Variants in CCNJL observed in about 807,000 individuals in gnomAD.
CCNJL encodes cyclin-J-like protein.
A neutral mutation model predicts 33.4 loss-of-function variants in CCNJL; 33 were observed. That is an observed-to-expected ratio of 0.99 (90% CI 0.75 to 1.32). CCNJL has a LOEUF of 1.32. Ranked by LOEUF, CCNJL falls within the 40% of genes most tolerant of loss-of-function variation. The probability of loss-of-function intolerance (pLI) is 0.00; values close to 1 mark genes in which losing one functional copy is unlikely to be tolerated. For missense variants in CCNJL, 512 were observed against 499.7 expected, an observed-to-expected ratio of 1.02 and a Z score of -0.23; for synonymous variants, 227 against 220.9, an observed-to-expected ratio of 1.03 and a Z score of -0.24.
rs994690259 is a variant in CCNJL, at chr5:160,251,604, G to C, written c.*1774C>G. On this transcript the variant is annotated 3_prime_UTR_variant, in exon 6 of 6. Transcript: ENST00000257536. The stretch of plus-strand genomic sequence containing the variant: ...GAGATGCTCACCAGGGCTGATTTGA[G>C]AGAGGGAAGGAGGGGCCGGCCCAAG... The C allele has an allele frequency of 1.3e-5, 2 of 152,298 alleles. No individual in the cohort carries two copies. Among genetic ancestry groups the C allele is most frequent in the African/African-American group, 4.8e-5 (2 of 41,424 alleles). 9.4% of individuals were successfully genotyped at this position (152,298 alleles called of 1,614,324 possible).
chr5:160,319,802 G>T (rs1424722787), intron 1 of CCNJL, among the ~76,000 whole-genome samples: 3 of 152,034 alleles, frequency 2.0e-5, no homozygotes, highest in Admixed American at 6.6e-5. Flanking sequence ...AGGTGTGGTG[G>T]TGTGCAAGCC....
At chr5:160,330,133 C>T (rs537507605) in intron 1 of CCNJL, among the ~76,000 whole-genome samples, 1 of 152,208 alleles carries the variant, frequency 6.6e-6, no homozygotes, top group South Asian at 2.1e-4. Context: ...CAATTCTGAC[C>T]CTGTCTCCTG....
chr5:160,262,709 C>T (rs1580953891), intron 3 of CCNJL, among the ~76,000 whole-genome samples: 2 of 152,228 alleles, frequency 1.3e-5, no homozygotes, highest in South Asian at 2.1e-4. Flanking sequence ...TCAGCTTCTA[C>T]ACCCAGAAGC....
At chr5:160,284,324 C>T (rs1762338135) in intron 2 of CCNJL, among the ~76,000 whole-genome samples, 1 of 151,880 alleles carries the variant, frequency 6.6e-6, no homozygotes, top group Non-Finnish European at 1.5e-5. Flanking sequence ...TGCACTCTAG[C>T]CTGGACGACA....
In CCNJL at chr5:160,281,580, T is replaced by A. The variant is rs78036380; in HGVS notation, c.67-842A>T. ...ACCAACAAAGTTTTTTACAACATAATAATGTTCTTATATGCAGTATCTCTC... is the reference window on the plus strand; with the variant it reads ...ACCAACAAAGTTTTTTACAACATAAAAATGTTCTTATATGCAGTATCTCTC... On this transcript the variant is annotated intron_variant, in intron 2 of 5. Transcript: ENST00000257536. Among the ~76,000 whole-genome samples the A allele has an allele frequency of 4.2e-3, 634 of 152,294 alleles. 3 individuals carry two copies. Among genetic ancestry groups the A allele is most frequent in the African/African-American group, 0.014 (598 of 41,552 alleles).
intron 2 of CCNJL, among the ~76,000 whole-genome samples, chr5:160,310,840 G>C (rs938694079): frequency 6.6e-6 from 1 of 152,132 alleles, no homozygotes; most frequent in Non-Finnish European, 1.5e-5. Flanking sequence ...GGATGACCAA[G>C]CACCAGCAAA....
At chr5:160,300,023 T>G (rs1184167731) in intron 2 of CCNJL, among the ~76,000 whole-genome samples, 1 of 152,140 alleles carries the variant, frequency 6.6e-6, no homozygotes, top group African/African-American at 2.4e-5. Context: ...CAATTCCCGA[T>G]GCTTCTGTTC....
At chr5:160,308,587 G>A (rs888236202) in intron 2 of CCNJL, among the ~76,000 whole-genome samples, 5 of 152,264 alleles carry the variant, frequency 3.3e-5, no homozygotes, top group South Asian at 2.1e-4. Flanking sequence ...GTGAAACCCC[G>A]TCTCTACTAA....
intron 1 of CCNJL, chr5:160,326,926 A>T (rs367654651): frequency 1.5e-6 from 1 of 647,148 alleles, no homozygotes; most frequent in Non-Finnish European, 3.0e-6. Flanking sequence ...GAGTCGGATC[A>T]TGCTAAAAGG....
At chr5:160,333,794 T>A (rs1245718970) in intron 1 of CCNJL, among the ~76,000 whole-genome samples, 1 of 152,052 alleles carries the variant, frequency 6.6e-6, no homozygotes, top group Non-Finnish European at 1.5e-5. Flanking sequence ...GCAATTCACA[T>A]CATCAGACTA....
In CCNJL at chr5:160,325,892, T is replaced by C. The variant is rs75335869; in HGVS notation, n.207-10387A>G. 6.6e-5 allele frequency among the ~76,000 whole-genome samples: 10 copies of C among 150,984 alleles called. No individual in the cohort carries two copies. In the East Asian group the frequency reaches 1.9e-3, roughly 29 times the overall value. ...TGGAACACAGCCCCACCCATTTGTTTATATATTCACAGTGGATGCTTTCCT... is the reference window on the plus strand; with the variant it reads ...TGGAACACAGCCCCACCCATTTGTTCATATATTCACAGTGGATGCTTTCCT... On this transcript the variant is annotated intron_variant and non_coding_transcript_variant, in intron 1 of 7. Coordinates refer to the CCNJL transcript ENST00000377503.
chr5:160,270,525 C>T (rs1187303022), intron 3 of CCNJL, among the ~76,000 whole-genome samples: 1 of 151,796 alleles, frequency 6.6e-6, no homozygotes, highest in Non-Finnish European at 1.5e-5. Context: ...TGCAGGGAGC[C>T]GTGATCATGC....
intron 2 of CCNJL, among the ~76,000 whole-genome samples, chr5:160,291,594 C>T (rs1307050072): frequency 6.6e-6 from 1 of 152,154 alleles, no homozygotes; most frequent in African/African-American, 2.4e-5. Flanking sequence ...ACCTGGTATG[C>T]CAGCGAAAAT....
At chr5:160,297,832 A>G (rs565340213) in intron 2 of CCNJL, among the ~76,000 whole-genome samples, 10 of 152,358 alleles carry the variant, frequency 6.6e-5, no homozygotes, top group East Asian at 1.9e-4. Context: ...ACTCTTCTCT[A>G]AGTTTGAAAT....
chr5:160,317,335 A>G (rs1472137170), upstream of CCNJL, among the ~76,000 whole-genome samples: 1 of 152,242 alleles, frequency 6.6e-6, no homozygotes, highest in Non-Finnish European at 1.5e-5. Flanking sequence ...TTACTTTTTT[A>G]AATTTAAAAA....
chr5:160,285,658 C>G (rs1173774235), intron 2 of CCNJL, among the ~76,000 whole-genome samples: 1 of 152,234 alleles, frequency 6.6e-6, no homozygotes, highest in Non-Finnish European at 1.5e-5. Context: ...CTAGGAGAAA[C>G]AGCACCTGCA....
intron 1 of CCNJL, among the ~76,000 whole-genome samples, chr5:160,334,182 T>G (rs142980259): frequency 6.6e-6 from 1 of 152,140 alleles, no homozygotes; most frequent in African/African-American, 2.4e-5. Flanking sequence ...CATTGATCCC[T>G]CCACCTTTTC....
At chr5:160,253,947 C>T (rs533202225) in intron 5 of CCNJL, 149 bp from the exon 6 acceptor site, 10 of 576,516 alleles carry the variant, frequency 1.7e-5, no homozygotes, top group African/African-American at 1.7e-4. Flanking sequence ...CTGTGTGTGG[C>T]ACCGCTCCAG....
chr5:160,310,426 A>G lies in CCNJL; in HGVS notation c.66+1432T>C, dbSNP rs532266285. 5.3e-5 allele frequency among the ~76,000 whole-genome samples: 8 copies of G among 152,334 alleles called. No individual in the cohort carries two copies. In the East Asian group the frequency reaches 1.5e-3, roughly 29 times the overall value. ...CAGCAGGTACAGAAAGAAAAGAAAAAGGCATTAATTGGACAGGAAGACAGC... is the reference window on the plus strand; with the variant it reads ...CAGCAGGTACAGAAAGAAAAGAAAAGGGCATTAATTGGACAGGAAGACAGC... On this transcript the variant is annotated intron_variant, in intron 2 of 5. Coordinates refer to ENST00000257536, the MANE Select transcript of CCNJL (RefSeq NM_001308173.3).
Sources: allele counts gnomAD v4.1 joint callset (sites outside exome capture counted in the v4.1 genomes callset), GRCh38; gene constraint gnomAD v4.1.1; transcripts MANE v1.5; gene names NCBI Gene and HGNC (gene_info 2026-07-23, HGNC 2026-07-21).